PRRG1: variants seen among roughly 807,000 people sequenced by gnomAD.
PRRG1 encodes proline rich and Gla domain 1.
A neutral mutation model predicts 11.8 loss-of-function variants in PRRG1; 5 were observed. The observed-to-expected ratio is 0.42, with a 90% CI of 0.22 to 0.89. PRRG1 has a LOEUF of 0.89. Among genes scored for constraint, PRRG1 ranks in the 40% least tolerant of loss-of-function variants. The pLI, the probability that PRRG1 is intolerant of heterozygous loss-of-function variation, is 0.28. For missense variants in PRRG1, 155 were observed against 166.1 expected (o/e 0.93, Z 0.37); for synonymous variants, 66 against 60.4 (o/e 1.09, Z -0.43).
intron 3 of PRRG1, among the ~76,000 whole-genome samples, chrX:37,430,537 A>G (rs1030718811): frequency 1.8e-5 from 2 of 111,969 alleles, no homozygotes; most frequent in African/African-American, 6.5e-5. Context: ...TTAGTTGTAT[A>G]ATACACAATG....
rs782578069 is a variant in PRRG1 at position 37,393,329 on chromosome X, T to A, written c.-41-12880T>A. ...TATATTAATTTTATATTATATTTAA[T>A]ATTAATTATACATAATATTAATATA... On this transcript the variant is annotated intron_variant, in intron 1 of 3. Transcript: ENST00000378628. Among the ~76,000 whole-genome samples the A allele has an allele frequency of 1.1e-3, 123 of 109,045 alleles. 2 individuals are homozygous for A. The highest frequency in any genetic ancestry group is 3.8e-3 in the African/African-American group (116 of 30,486). The allele number at this position is 109,045 out of a possible 115,157, so 94.7% of individuals were successfully genotyped here.
chrX:37,419,835 G>T (rs10482542), intron 2 of PRRG1, among the ~76,000 whole-genome samples: 7,706 of 111,428 alleles, frequency 0.069, 262 homozygotes, highest in Non-Finnish European at 0.11. Flanking sequence ...ACTACAGTGT[G>T]CCTCCAAGCG....
chrX:37,390,982 T>C (rs1206735645), intron 1 of PRRG1, among the ~76,000 whole-genome samples: 5 of 112,328 alleles, frequency 4.5e-5, no homozygotes, highest in African/African-American at 1.6e-4. Flanking sequence ...CTTGCTCTTA[T>C]GGTCTGTAGA....
At chrX:37,429,337 G>A (rs1932803853) in intron 3 of PRRG1, among the ~76,000 whole-genome samples, 1 of 111,763 alleles carries the variant, frequency 8.9e-6, no homozygotes, top group African/African-American at 3.3e-5. Context: ...CTTTTAAAAT[G>A]GAATACTTTT....
In PRRG1 at chrX:37,425,827, T is replaced by C. The variant is rs1025720389; in HGVS notation, c.11-13T>C. The C allele has an allele frequency of 8.6e-6, 10 of 1,162,089 alleles. No individual in the cohort carries two copies. The highest frequency in any genetic ancestry group is 1.8e-5 in the African/African-American group (1 of 55,346). On this transcript the variant is annotated splice_polypyrimidine_tract_variant and intron_variant, in intron 2 of 3. Transcript: ENST00000378628. ...TTGCCACATAGGTTTTTTATACTTA[T>C]ATTTCTTTTTAGTTTTCCTCACGGG...
intron 1 of PRRG1, among the ~76,000 whole-genome samples, chrX:37,367,041 G>A (rs183610589): frequency 1.1e-4 from 12 of 111,341 alleles, no homozygotes; most frequent in African/African-American, 3.6e-4. Flanking sequence ...CCTCCTGCTC[G>A]TCAATCCTGT....
intron 1 of PRRG1, among the ~76,000 whole-genome samples, chrX:37,349,692 A>G (rs781893506): frequency 1.8e-5 from 2 of 111,527 alleles, no homozygotes; most frequent in Admixed American, 9.4e-5. Flanking sequence ...AGGCTTGCCA[A>G]CGGTGCTGGA....
At chrX:37,375,537 A>G (rs115641449) in intron 1 of PRRG1, among the ~76,000 whole-genome samples, 4,266 of 111,825 alleles carry the variant, frequency 0.038, 202 homozygotes, top group African/African-American at 0.13. Flanking sequence ...TAGCGTTTAT[A>G]TTGTATGAGG....
At chrX:37,429,437 C>T (rs1416332989) in intron 3 of PRRG1, among the ~76,000 whole-genome samples, 2 of 111,587 alleles carry the variant, frequency 1.8e-5, no homozygotes, top group Admixed American at 9.5e-5. Context: ...GTTCAAAGTT[C>T]CACAAATCTC....
chrX:37,419,886 G>T (rs115548029), intron 2 of PRRG1, among the ~76,000 whole-genome samples: 4,462 of 111,887 alleles, frequency 0.04, 211 homozygotes, highest in African/African-American at 0.13. Flanking sequence ...GCTACTACAT[G>T]TCATCCCAGA....
intron 2 of PRRG1, among the ~76,000 whole-genome samples, chrX:37,423,087 G>A (rs1556387497): frequency 9.0e-6 from 1 of 110,989 alleles, no homozygotes; most frequent in East Asian, 2.8e-4. Flanking sequence ...ATGTGGATGT[G>A]GAAGACAGTG....
intron 1 of PRRG1, among the ~76,000 whole-genome samples, chrX:37,358,937 A>T (rs1025806405): frequency 1.8e-5 from 2 of 111,589 alleles, no homozygotes; most frequent in Non-Finnish European, 3.8e-5. Context: ...CATCGCTGAT[A>T]TATAGGAAAA....
chrX:37,374,797 A>G (rs1745598088), intron 1 of PRRG1, among the ~76,000 whole-genome samples: 1 of 111,192 alleles, frequency 9.0e-6, no homozygotes, highest in Admixed American at 9.6e-5. Context: ...TCATGAATTG[A>G]TAAATCCAAG....
At chrX:37,375,044 T>G (rs1556371701) in intron 1 of PRRG1, among the ~76,000 whole-genome samples, 1 of 112,335 alleles carries the variant, frequency 8.9e-6, no homozygotes, top group Non-Finnish European at 1.9e-5. Context: ...GTCTTTGTTT[T>G]TTACTTCCCT....
chrX:37,432,860 A>C (rs1482514849), intron 3 of PRRG1, among the ~76,000 whole-genome samples: 1 of 110,234 alleles, frequency 9.1e-6, no homozygotes, highest in African/African-American at 3.3e-5. Flanking sequence ...AAAGTAAACA[A>C]ATTTGCACCC....
chrX:37,405,780 A>G (rs1194974666), intron 1 of PRRG1, among the ~76,000 whole-genome samples: 2 of 111,583 alleles, frequency 1.8e-5, no homozygotes, highest in Non-Finnish European at 3.8e-5. Context: ...TTTAAAGGGT[A>G]TTGGATTTGT....
chrX:37,437,305 CG>C (rs781981531), intron 3 of PRRG1, among the ~76,000 whole-genome samples: 5 of 108,164 alleles, frequency 4.6e-5, no homozygotes, highest in East Asian at 2.9e-4. Flanking sequence ...TCAGTCAGGG[CG>C]GGGGGGGAGG....
intron 3 of PRRG1, among the ~76,000 whole-genome samples, chrX:37,452,378 C>T (rs1337624873): frequency 8.9e-6 from 1 of 111,859 alleles, no homozygotes; most frequent in Non-Finnish European, 1.9e-5. Flanking sequence ...AAAGGAGTAA[C>T]TTGACCAGGT....
At chrX:37,441,433 G>A (rs782086609) in intron 3 of PRRG1, 27 of 753,045 alleles carry the variant, frequency 3.6e-5, no homozygotes, top group Middle Eastern at 7.6e-4. Context: ...ACCCACTTCC[G>A]GCCCTTTCCG....
Sources: gnomAD v4.1 joint callset for allele counts (sites outside exome capture counted in the v4.1 genomes callset) on GRCh38, gnomAD v4.1.1 for gene constraint, MANE v1.5 for transcripts, NCBI Gene and HGNC (gene_info 2026-07-23, HGNC 2026-07-21) for gene names.